The following BCCIP variants were observed in gnomAD, a reference collection of about 807,000 sequenced individuals.
The protein encoded by BCCIP is BRCA2 and CDKN1A-interacting protein.
BCCIP carries 23 observed loss-of-function variants against 32.8 expected under a neutral mutation model. The ratio of observed to expected loss-of-function variants is 0.70; its 90% CI spans 0.51 to 0.99. BCCIP has a LOEUF of 0.99. Among genes scored for constraint, BCCIP ranks in the 50% least tolerant of loss-of-function variants. The pLI, the probability that BCCIP is intolerant of heterozygous loss-of-function variation, is 0.00. For synonymous variants in BCCIP, 144 were observed against 137.6 expected (o/e 1.05, Z -0.33); for missense variants, 378 against 379.8 (o/e 1.00, Z 0.04).
chr10:125,838,992 C>G (rs1361255255), downstream of BCCIP: 1 of 1,611,516 alleles, frequency 6.2e-7, no homozygotes, highest in Admixed American at 1.7e-5. Flanking sequence ...TGACCCCACC[C>G]CTTCTCACCT....
At chr10:125,827,910 A>G (rs1854436099) in intron 3 of BCCIP, among the ~76,000 whole-genome samples, 1 of 144,184 alleles carries the variant, frequency 6.9e-6, no homozygotes, top group African/African-American at 2.6e-5. Context: ...GTTGAAGGCC[A>G]TGGTGAGCTT....
chr10:125,832,292 G>A (rs543916816), intron 5 of BCCIP, among the ~76,000 whole-genome samples: 3 of 151,180 alleles, frequency 2.0e-5, no homozygotes, highest in African/African-American at 4.9e-5. Flanking sequence ...TTCCTGCCTC[G>A]GCCTCCCAGT....
chr10:125,838,985 C>T, downstream of BCCIP: 1 of 1,610,120 alleles, frequency 6.2e-7, no homozygotes, highest in Non-Finnish European at 8.5e-7. Context: ...GCTGAGGTGA[C>T]CCCACCCCTT....
At chr10:125,824,657 C>T (rs2134003056) in intron 1 of BCCIP, among the ~76,000 whole-genome samples, 1 of 152,346 alleles carries the variant, frequency 6.6e-6, no homozygotes, top group South Asian at 2.1e-4. Flanking sequence ...GCCTGGACTA[C>T]TATTTAATGT....
intron 3 of BCCIP, 61 bp downstream of exon 3, chr10:125,827,699 C>T: frequency 7.8e-7 from 1 of 1,285,574 alleles, no homozygotes; most frequent in Non-Finnish European, 1.1e-6. Context: ...TCATGCTGGG[C>T]CTCACCATGC....
At chr10:125,832,819 T>G (rs1589695982) in intron 5 of BCCIP, among the ~76,000 whole-genome samples, 1 of 140,096 alleles carries the variant, frequency 7.1e-6, no homozygotes, top group African/African-American at 2.6e-5. Context: ...TTTTTCTTTT[T>G]TTTTTTTTGA....
chr10:125,826,016 A>G (rs1270108643), intron 1 of BCCIP: 2 of 153,546 alleles, frequency 1.3e-5, no homozygotes, highest in Non-Finnish European at 2.9e-5. Flanking sequence ...CTCAAATGTC[A>G]CTTCAAGGAA....
downstream of BCCIP, among the ~76,000 whole-genome samples, chr10:125,837,645 G>A (rs1854737008): frequency 6.6e-6 from 1 of 152,136 alleles, no homozygotes; most frequent in South Asian, 2.1e-4. Context: ...GGCTGGTCTT[G>A]AACTCTTGGG....
At position 125,830,667 on chromosome 10, in the gene BCCIP, T is replaced by C; in HGVS notation, c.411+16T>C. ...TGAAAGAAAGGTTGGTTTCACTGGA[T>C]GGCATCTGAATGGTTATTTCTTAGG... On this transcript the variant is annotated intron_variant, in intron 4 of 6. Coordinates refer to ENST00000278100, the MANE Select transcript of BCCIP (RefSeq NM_078468.3). The C allele has an allele frequency of 6.6e-7, 1 of 1,516,916 alleles. No homozygotes were observed. Among genetic ancestry groups the C allele is most frequent in the African/African-American group, 1.4e-5 (1 of 72,574 alleles). The allele number at this position is 1,516,916 out of a possible 1,614,324, so 94.0% of individuals were successfully genotyped here.
At position 125,852,652 on chromosome 10, in the gene BCCIP, G is replaced by A. The variant is rs772989683; in HGVS notation, c.851-473G>A. On this transcript the variant is annotated intron_variant, in intron 7 of 7. Coordinates refer to the BCCIP transcript ENST00000368759. The stretch of plus-strand genomic sequence containing the variant: ...TTCTCGGGTTGTACACCTTTAAATG[G>A]AAAGACAGCATCATTAGCGTCAGAT... 1.7e-5 allele frequency: 27 copies of A among 1,595,116 alleles called. No homozygotes were observed. The highest frequency in any genetic ancestry group is 2.1e-5 in the Non-Finnish European group (25 of 1,172,876).
chr10:125,835,980 G>C, intron 6 of BCCIP, 124 bp from the exon 7 acceptor site: 2 of 845,736 alleles, frequency 2.4e-6, no homozygotes, highest in Non-Finnish European at 3.7e-6. Context: ...TCTGAGTTTT[G>C]CTTTTTTTTA....
chr10:125,826,762 G>T, intron 2 of BCCIP, 97 bp downstream of exon 2: 2 of 1,511,862 alleles, frequency 1.3e-6, no homozygotes, highest in East Asian at 2.4e-5. Flanking sequence ...CATTTTGGAA[G>T]GCCGAGGTGA....
chr10:125,841,020 G>A (rs763964255), downstream of BCCIP: 4 of 1,585,868 alleles, frequency 2.5e-6, no homozygotes, highest in African/African-American at 2.7e-5. Flanking sequence ...AAGGTCACAT[G>A]GTTAGCAATA....
chr10:125,852,667 T>G, intron 7 of BCCIP: 1 of 1,578,654 alleles, frequency 6.3e-7, no homozygotes, highest in Non-Finnish European at 8.6e-7. Flanking sequence ...ACAGCATCAT[T>G]AGCGTCAGAT....
chr10:125,848,100 C>T (rs1397890813), intron 7 of BCCIP, among the ~76,000 whole-genome samples: 2 of 152,092 alleles, frequency 1.3e-5, no homozygotes, highest in South Asian at 2.1e-4. Flanking sequence ...GCAAATGAAG[C>T]TTCTGTTTCT....
At chr10:125,823,787 G>T in intron 1 of BCCIP, 65 bp downstream of exon 1, 2 of 1,586,264 alleles carry the variant, frequency 1.3e-6, no homozygotes, top group East Asian at 2.2e-5. Flanking sequence ...AGCCCAGGCT[G>T]TGTAAAAATA....
intron 7 of BCCIP, among the ~76,000 whole-genome samples, chr10:125,849,076 C>G (rs376329763): frequency 1.4e-4 from 22 of 152,210 alleles, no homozygotes; most frequent in African/African-American, 4.1e-4. Flanking sequence ...CCTTTCATCC[C>G]AGCTTAATCA....
At chr10:125,829,869 G>A (rs1180657460) in intron 3 of BCCIP, among the ~76,000 whole-genome samples, 2 of 152,248 alleles carry the variant, frequency 1.3e-5, no homozygotes, top group African/African-American at 4.8e-5. Flanking sequence ...CAATAGCTCT[G>A]CAGTTGTAAC....
At chr10:125,839,074 G>T, downstream of BCCIP, 5 of 1,614,186 alleles carry the variant, frequency 3.1e-6, no homozygotes, top group Non-Finnish European at 4.2e-6. Flanking sequence ...AGCAGGTTCT[G>T]CATAGGGAAG....
Sources: gnomAD v4.1 joint callset for allele counts (sites outside exome capture counted in the v4.1 genomes callset) on GRCh38, gnomAD v4.1.1 for gene constraint, MANE v1.5 for transcripts, NCBI Gene and HGNC (gene_info 2026-07-23, HGNC 2026-07-21) for gene names.